PRKD1: variants seen among roughly 807,000 people sequenced by gnomAD.
PRKD1 encodes the protein protein kinase D1, also known as serine/threonine-protein kinase D1.
A neutral mutation model predicts 95.9 loss-of-function variants in PRKD1; 63 were observed. That is an observed-to-expected ratio of 0.66 (90% confidence interval 0.54 to 0.81). The LOEUF is 0.81. PRKD1 is among the 30% of genes least tolerant of loss of function. The pLI, the probability that PRKD1 is intolerant of heterozygous loss-of-function variation, is 0.00. For missense variants in PRKD1, 1,048 were observed against 1,165.3 expected (o/e 0.90, Z 1.47); for synonymous variants, 425 against 423.1 (o/e 1.00, Z -0.05).
chr14:29,622,137 C>T (rs1252719088), intron 13 of PRKD1, among the ~76,000 whole-genome samples: 1 of 152,100 alleles, frequency 6.6e-6, no homozygotes, highest in African/African-American at 2.4e-5. Context: ...AGATCCTTCT[C>T]TTGTGCAGTT....
intron 1 of PRKD1, among the ~76,000 whole-genome samples, chr14:29,743,743 ATC>A (rs763488947): frequency 2.0e-5 from 3 of 152,008 alleles, no homozygotes; most frequent in Non-Finnish European, 2.9e-5. Flanking sequence ...CTACTCTCAA[ATC>A]TCTCTCTTTA....
In PRKD1 at chr14:29,711,248, T is replaced by A. The variant is rs572908002; in HGVS notation, c.403+14288A>T. Among the ~76,000 whole-genome samples, 3 of 152,286 alleles carry A rather than the reference T, an allele frequency of 2.0e-5. No individual in the cohort carries two copies. The South Asian group carries it at 6.2e-4, about 32-fold the overall frequency. On this transcript the variant is annotated intron_variant, in intron 2 of 17. Coordinates refer to ENST00000331968, the MANE Select transcript of PRKD1 (RefSeq NM_002742.3). ...TGTTATAACATGTTAGAAAGTCCAATGTATTCTAAAGAGTAAGAGAGGCCA... is the reference window on the plus strand; with the variant it reads ...TGTTATAACATGTTAGAAAGTCCAAAGTATTCTAAAGAGTAAGAGAGGCCA...
chr14:29,811,154 C>T (rs748946080), intron 1 of PRKD1, among the ~76,000 whole-genome samples: 14 of 152,308 alleles, frequency 9.2e-5, no homozygotes, highest in Admixed American at 2.0e-4. Context: ...ATTAAAGGTA[C>T]TAAAATATCA....
At chr14:29,676,722 T>C (rs1883247759) in intron 2 of PRKD1, among the ~76,000 whole-genome samples, 1 of 152,076 alleles carries the variant, frequency 6.6e-6, no homozygotes, top group Non-Finnish European at 1.5e-5. Context: ...TAGGGGTGGA[T>C]GAAAAGTAGG....
At chr14:29,642,828 A>C (rs541412919) in intron 4 of PRKD1, among the ~76,000 whole-genome samples, 79 of 152,162 alleles carry the variant, frequency 5.2e-4, no homozygotes, top group Middle Eastern at 6.8e-3. Context: ...GGTTAACTAA[A>C]TGGTGTTTAA....
At chr14:29,585,604 G>C (rs1892895003) in intron 16 of PRKD1, among the ~76,000 whole-genome samples, 1 of 152,078 alleles carries the variant, frequency 6.6e-6, no homozygotes, top group African/African-American at 2.4e-5. Flanking sequence ...TACTGGACTT[G>C]GTTTCATTTT....
At chr14:29,924,113 A>G (rs1895216733) in intron 1 of PRKD1, among the ~76,000 whole-genome samples, 1 of 152,228 alleles carries the variant, frequency 6.6e-6, no homozygotes, top group South Asian at 2.1e-4. Context: ...CTAAATAAAC[A>G]AACATAATGT....
chr14:29,863,373 C>A (rs1040262282), intron 1 of PRKD1, among the ~76,000 whole-genome samples: 1 of 152,124 alleles, frequency 6.6e-6, no homozygotes, highest in Non-Finnish European at 1.5e-5. Context: ...GTGGTTTTAA[C>A]TAAATATTTC....
intron 1 of PRKD1, among the ~76,000 whole-genome samples, chr14:29,842,873 T>C (rs12883525): frequency 0.014 from 2,111 of 152,136 alleles, 40 homozygotes; most frequent in South Asian, 0.094. Flanking sequence ...GGAGCGGGTA[T>C]AGCAGGGAAG....
chr14:29,733,929 A>C (rs1319487924), intron 1 of PRKD1, among the ~76,000 whole-genome samples: 1 of 151,430 alleles, frequency 6.6e-6, no homozygotes, highest in East Asian at 1.9e-4. Flanking sequence ...TTTTCATTTA[A>C]ATCCTTGATT....
At chr14:29,817,399 G>A (rs1032979722) in intron 1 of PRKD1, among the ~76,000 whole-genome samples, 12 of 152,080 alleles carry the variant, frequency 7.9e-5, no homozygotes, top group Non-Finnish European at 1.2e-4. Flanking sequence ...CTCTGAAGAC[G>A]ACCCTCTGAA....
rs45538736 is a variant in PRKD1, at chr14:29,824,586, A to G, written c.265-98912T>C. On this transcript the variant is annotated intron_variant, in intron 1 of 17. Transcript: ENST00000331968. ...TCAGGAAAAAATTGTTAGGCTCTCC[A>G]ATTATAAACAGTGTGTCAAATGATC... Among the ~76,000 whole-genome samples, 1,216 of 152,274 alleles carry G rather than the reference A, an allele frequency of 8.0e-3. 18 individuals are homozygous for G. Among genetic ancestry groups the G allele is most frequent in the African/African-American group, 0.028 (1,181 of 41,558 alleles).
chr14:29,781,984 T>G (rs915751099), intron 1 of PRKD1, among the ~76,000 whole-genome samples: 1 of 152,220 alleles, frequency 6.6e-6, no homozygotes, highest in African/African-American at 2.4e-5. Context: ...TTCTCTGATC[T>G]TGTCAAGAAT....
chr14:29,819,675 G>C (rs1366518328), intron 1 of PRKD1, among the ~76,000 whole-genome samples: 1 of 151,980 alleles, frequency 6.6e-6, no homozygotes, highest in Non-Finnish European at 1.5e-5. Flanking sequence ...GGGCGACAGA[G>C]TGAGACTCCG....
At chr14:29,679,020 A>G (rs1883384006) in intron 2 of PRKD1, among the ~76,000 whole-genome samples, 1 of 152,226 alleles carries the variant, frequency 6.6e-6, no homozygotes, top group Non-Finnish European at 1.5e-5. Context: ...CAGGGCAATC[A>G]CTTTCTTGGA....
chr14:29,578,310 T>C lies in PRKD1; in HGVS notation c.2485A>G (p.Ser829Gly). Residue 829 changes from serine (S) to glycine (G), a missense_variant, in exon 17 of 18, where the codon AGT (serine) becomes GGT (glycine). Physicochemically the swap from Ser to Gly is moderately conservative, Grantham distance 56 (BLOSUM62 0). Transcript: ENST00000331968. ...LLQVKMRKRY[S>G]VDKTLSHPWL... is the part of the protein sequence containing the mutation. Reference sequence around the variant, plus strand: ...GGGTGGCTCAAGGTCTTATCCACACTGTAGCGCTTTCTCATTTTTACTTGC... The same window carrying C: ...GGGTGGCTCAAGGTCTTATCCACACCGTAGCGCTTTCTCATTTTTACTTGC... The C allele has an allele frequency of 6.2e-7, 1 of 1,611,334 alleles. No individual in the cohort carries two copies. The highest frequency in any genetic ancestry group is 1.7e-5 in the Admixed American group (1 of 59,642).
chr14:29,842,059 T>C (rs1444629550), intron 1 of PRKD1, among the ~76,000 whole-genome samples: 2 of 152,202 alleles, frequency 1.3e-5, no homozygotes, highest in African/African-American at 2.4e-5. Flanking sequence ...ACCACTGTCT[T>C]CCAATCCCAC....
Position 29,726,240 on chromosome 14 carries a change from T to C in PRKD1, c.265-566A>G, listed in dbSNP as rs965670480. Among the ~76,000 whole-genome samples the C allele has an allele frequency of 2.6e-5, 4 of 152,294 alleles. No individual in the cohort carries two copies. In the East Asian group the frequency reaches 5.8e-4, roughly 22 times the overall value. On this transcript the variant is annotated intron_variant, in intron 1 of 17. Transcript: ENST00000331968. ...GCAATCCACCTCTCCCTTCTGCTGC[T>C]GCCCCTACTGCATTCCATGTGGCTT... is the stretch of plus-strand genomic sequence containing the variant.
chr14:29,843,330 A>C (rs1891941791), intron 1 of PRKD1, among the ~76,000 whole-genome samples: 1 of 152,204 alleles, frequency 6.6e-6, no homozygotes, highest in Non-Finnish European at 1.5e-5. Flanking sequence ...CAGGAGCATG[A>C]GAAAATAAAC....
Sources: gnomAD v4.1 joint callset for allele counts (sites outside exome capture counted in the v4.1 genomes callset) on GRCh38, gnomAD v4.1.1 for gene constraint, MANE v1.5 for transcripts, NCBI Gene and HGNC (gene_info 2026-07-23, HGNC 2026-07-21) for gene names.